The following CRTC3 variants were observed in gnomAD, a reference collection of about 807,000 sequenced individuals.
CRTC3 encodes CREB-regulated transcription coactivator 3.
A neutral mutation model predicts 74.5 loss-of-function variants in CRTC3; 26 were observed. The observed-to-expected ratio is 0.35, with a 90% CI of 0.26 to 0.48. CRTC3 has a LOEUF of 0.48. Ranked by LOEUF, CRTC3 falls within the 20% of genes least tolerant of loss-of-function variation. The pLI, the probability that CRTC3 is intolerant of heterozygous loss-of-function variation, is 0.99. For synonymous variants in CRTC3, 377 were observed against 325.8 expected (o/e 1.16, Z -1.69); for missense variants, 760 against 787.3 (o/e 0.97, Z 0.41).
chr15:90,613,188 A>G (rs898414849), intron 6 of CRTC3, among the ~76,000 whole-genome samples: 54 of 14,808 alleles, frequency 3.6e-3, no homozygotes, highest in Non-Finnish European at 6.7e-3. Context: ...GTCTCGGGAA[A>G]AAAAAAAAAA....
chr15:90,633,880 T>C (rs1268115714), intron 11 of CRTC3, among the ~76,000 whole-genome samples: 1 of 152,154 alleles, frequency 6.6e-6, no homozygotes, highest in Non-Finnish European at 1.5e-5. Context: ...GAGTTTTCCA[T>C]TTCTGCTCTC....
chr15:90,531,655 G>GTA (rs1966628940), intron 1 of CRTC3, among the ~76,000 whole-genome samples: 1 of 152,112 alleles, frequency 6.6e-6, no homozygotes, highest in Non-Finnish European at 1.5e-5. Context: ...TTACATCTGT[G>GTA]ACCTTGGTTA....
intron 9 of CRTC3, among the ~76,000 whole-genome samples, chr15:90,624,538 C>G (rs1968762012): frequency 6.6e-6 from 1 of 152,180 alleles, no homozygotes; most frequent in East Asian, 1.9e-4. Flanking sequence ...ACTCTTAATT[C>G]CACGCACACA....
At chr15:90,628,991 C>T (rs567786627) in intron 10 of CRTC3, among the ~76,000 whole-genome samples, 3 of 152,256 alleles carry the variant, frequency 2.0e-5, no homozygotes, top group South Asian at 2.1e-4. Context: ...GGGTTGTTGA[C>T]GTGATCTCCC....
chr15:90,632,074 G>GT (rs1005681119), intron 11 of CRTC3, among the ~76,000 whole-genome samples: 4 of 67,124 alleles, frequency 6.0e-5, no homozygotes, highest in South Asian at 5.4e-4. Context: ...ACTAATTTTT[G>GT]TATTTTTTTT....
chr15:90,538,680 T>G (rs2151055364), intron 1 of CRTC3, among the ~76,000 whole-genome samples: 1 of 152,190 alleles, frequency 6.6e-6, no homozygotes, highest in African/African-American at 2.4e-5. Flanking sequence ...TTATTTCACA[T>G]ATACTATTTG....
intron 2 of CRTC3, among the ~76,000 whole-genome samples, chr15:90,556,736 A>G (rs1442707242): frequency 6.6e-6 from 1 of 152,164 alleles, no homozygotes; most frequent in East Asian, 1.9e-4. Flanking sequence ...AATTATGCAC[A>G]GAAAATCTAC....
rs1341962446 is a variant in CRTC3 at position 90,621,654 on chromosome 15, C to T, written c.749+1864C>T. ...GTTTTTAAAGATAGATAGGGCCTTG[C>T]TATGTTGGCCAGGTTGGTCTTGAAC... On this transcript the variant is annotated intron_variant, in intron 9 of 14. Transcript: ENST00000268184. 3.9e-5 allele frequency among the ~76,000 whole-genome samples: 6 copies of T among 152,156 alleles called. No individual in the cohort carries two copies. The East Asian group carries it at 5.8e-4, about 15-fold the overall frequency.
chr15:90,636,446 TA>T (rs1969240647), intron 11 of CRTC3, among the ~76,000 whole-genome samples: 1 of 149,322 alleles, frequency 6.7e-6, no homozygotes, highest in Non-Finnish European at 1.5e-5. Context: ...CCTAAAACCA[TA>T]AAAACCCTAG....
chr15:90,579,658 T>TTTC, intron 2 of CRTC3, among the ~76,000 whole-genome samples: 1 of 145,238 alleles, frequency 6.9e-6, no homozygotes, highest in East Asian at 2.0e-4. Flanking sequence ...TTTTTTTTTT[T>TTTC]TGAGACAGAG....
chr15:90,629,797 C>T (rs981193357), intron 11 of CRTC3, among the ~76,000 whole-genome samples: 5 of 152,176 alleles, frequency 3.3e-5, no homozygotes, highest in African/African-American at 9.7e-5. Flanking sequence ...AATCGCGGCT[C>T]ACTGCAGCCT....
rs1014640309 is a variant in CRTC3 at position 90,642,684 on chromosome 15, C to G, written c.*544C>G. 2 of 232,036 alleles carry G rather than the reference C, an allele frequency of 8.6e-6. No homozygotes were observed. Among genetic ancestry groups the G allele is most frequent in the Non-Finnish European group, 1.7e-5 (2 of 117,250 alleles). 14.4% of individuals were successfully genotyped at this position (232,036 alleles called of 1,614,324 possible). On this transcript the variant is annotated 3_prime_UTR_variant, in exon 15 of 15. Transcript: ENST00000268184. ...ACGGCTCTCTCCCACGCCTGGATTACGACATGAAGTTTTTACCACAAGCCC... is the reference window on the plus strand; with the variant it reads ...ACGGCTCTCTCCCACGCCTGGATTAGGACATGAAGTTTTTACCACAAGCCC...
At chr15:90,634,696 C>A in intron 11 of CRTC3, 1 of 656,274 alleles carries the variant, frequency 1.5e-6, no homozygotes, top group Non-Finnish European at 2.8e-6. Flanking sequence ...TACACTAGAG[C>A]GGAGTATGAG....
chr15:90,584,916 G>A (rs1967624776), intron 2 of CRTC3, among the ~76,000 whole-genome samples: 1 of 152,140 alleles, frequency 6.6e-6, no homozygotes, highest in Admixed American at 6.5e-5. Flanking sequence ...ATCAGAGGAA[G>A]CATTATCGTC....
At chr15:90,613,127 G>C (rs146313472) in intron 6 of CRTC3, among the ~76,000 whole-genome samples, 1,768 of 147,652 alleles carry the variant, frequency 0.012, 43 homozygotes, top group African/African-American at 0.042. Flanking sequence ...AGGTTGCAGT[G>C]AGCCAAGGTC....
At chr15:90,578,020 T>C (rs1043901094) in intron 2 of CRTC3, among the ~76,000 whole-genome samples, 1 of 152,218 alleles carries the variant, frequency 6.6e-6, no homozygotes, top group Non-Finnish European at 1.5e-5. Context: ...GCAGTTCTCC[T>C]GTCTCAGCCT....
intron 1 of CRTC3, among the ~76,000 whole-genome samples, chr15:90,537,524 C>T (rs1966739456): frequency 6.6e-6 from 1 of 152,188 alleles, no homozygotes; most frequent in African/African-American, 2.4e-5. Context: ...GTTGGGACTG[C>T]AGGCGCCCAC....
Position 90,643,634 on chromosome 15 carries a change from T to C in CRTC3, c.*1494T>C, listed in dbSNP as rs139096413. On this transcript the variant is annotated 3_prime_UTR_variant, in exon 15 of 15. Transcript: ENST00000268184. ...AGCATCATTAGTCATCAATACCTTC[T>C]CATAAAATAGATGGGCCAGATTTCC... 1.5e-3 allele frequency: 337 copies of C among 227,946 alleles called. 5 individuals carry two copies. The East Asian group carries it at 0.018, about 12-fold the overall frequency. The allele number at this position is 227,946 out of a possible 1,614,324, so 14.1% of individuals were successfully genotyped here.
chr15:90,590,066 G>A (rs1473350524), intron 2 of CRTC3, among the ~76,000 whole-genome samples: 17 of 151,954 alleles, frequency 1.1e-4, no homozygotes, highest in Admixed American at 2.0e-4. Flanking sequence ...TGAGGCGGGC[G>A]GATTGCCTGA....
Sources: allele counts gnomAD v4.1 joint callset (sites outside exome capture counted in the v4.1 genomes callset), GRCh38; gene constraint gnomAD v4.1.1; transcripts MANE v1.5; gene names NCBI Gene and HGNC (gene_info 2026-07-23, HGNC 2026-07-21).